ARHGEF33: variants seen among roughly 807,000 people sequenced by gnomAD.
ARHGEF33 encodes DH and coiled-coil domain-containing protein ENSP00000381780.
ARHGEF33 carries 72 observed loss-of-function variants against 101.9 expected under a neutral mutation model. The ratio of observed to expected loss-of-function variants is 0.71; its 90% CI spans 0.58 to 0.86. The LOEUF (loss-of-function observed/expected upper bound fraction) is 0.86, where lower values mean the gene tolerates loss of function less well. Among genes scored for constraint, ARHGEF33 ranks in the 40% least tolerant of loss-of-function variants. The probability of loss-of-function intolerance (pLI) is 0.00; values close to 1 mark genes in which losing one functional copy is unlikely to be tolerated. For missense variants in ARHGEF33, 1,169 were observed against 1,111.3 expected (o/e 1.05, Z -0.74); for synonymous variants, 499 against 442.5 (o/e 1.13, Z -1.60).
chr2:38,953,903 A>G (rs1236485849), intron 12 of ARHGEF33, among the ~76,000 whole-genome samples: 1 of 152,232 alleles, frequency 6.6e-6, no homozygotes, highest in Non-Finnish European at 1.5e-5. Context: ...AGGAAAAGGA[A>G]GGGACACAGA....
intron 9 of ARHGEF33, among the ~76,000 whole-genome samples, chr2:38,941,552 CTTT>C (rs532096844): frequency 6.9e-6 from 1 of 144,284 alleles, no homozygotes; most frequent in African/African-American, 2.5e-5. Context: ...TTTTCTTTTT[CTTT>C]TTTTTTTTTT....
chr2:38,931,438 T>C, intron 7 of ARHGEF33, 187 bp downstream of exon 7: 2 of 517,202 alleles, frequency 3.9e-6, no homozygotes, highest in Admixed American at 7.5e-5. Flanking sequence ...CAGTTTTAAA[T>C]ATTTTTTTTT....
At chr2:38,901,144 T>C (rs1572738923) in intron 2 of ARHGEF33, among the ~76,000 whole-genome samples, 1 of 152,172 alleles carries the variant, frequency 6.6e-6, no homozygotes, top group Admixed American at 6.5e-5. Context: ...TTCTTTCTTT[T>C]TATTTATTTA....
chr2:38,940,743 A>G (rs549405484), intron 9 of ARHGEF33, among the ~76,000 whole-genome samples: 1 of 152,344 alleles, frequency 6.6e-6, no homozygotes, highest in African/African-American at 2.4e-5. Context: ...CAATTGAGAA[A>G]AAGTTGAATA....
chr2:38,921,554 C>CT, intron 4 of ARHGEF33, 131 bp downstream of exon 4: 1 of 677,948 alleles, frequency 1.5e-6, no homozygotes. Context: ...CTTAACAGGG[C>CT]TGTGAGACAG....
At chr2:38,965,947 C>T (rs1212101648) in intron 16 of ARHGEF33, 59 bp from the exon 17 acceptor site, 8 of 1,537,198 alleles carry the variant, frequency 5.2e-6, no homozygotes, top group South Asian at 2.5e-5. Context: ...GTCCCATAGT[C>T]AGGATCCATA....
chr2:38,936,389 G>T (rs1442262116), intron 8 of ARHGEF33, among the ~76,000 whole-genome samples: 1 of 152,052 alleles, frequency 6.6e-6, no homozygotes, highest in Non-Finnish European at 1.5e-5. Flanking sequence ...ATTGTTTTTG[G>T]CACCCTTCCT....
chr2:38,971,089 G>T (rs757747495), intron 17 of ARHGEF33, among the ~76,000 whole-genome samples: 1 of 152,174 alleles, frequency 6.6e-6, no homozygotes, highest in Non-Finnish European at 1.5e-5. Flanking sequence ...ACAGATGCAT[G>T]TCTCCTAAAG....
chr2:38,955,106 T>C (rs1667706444), intron 13 of ARHGEF33, among the ~76,000 whole-genome samples: 1 of 152,212 alleles, frequency 6.6e-6, no homozygotes, highest in Non-Finnish European at 1.5e-5. Context: ...GCTATCTAAA[T>C]GCCACCACCT....
In ARHGEF33 at chr2:38,891,024, C is replaced by T. The variant is rs140042616; in HGVS notation, c.-159+1038C>T. Among the ~76,000 whole-genome samples, 149 of 150,988 alleles carry T rather than the reference C, an allele frequency of 9.9e-4. 1 individual carries two copies. The highest frequency in any genetic ancestry group is 3.3e-3 in the African/African-American group (136 of 41,114). The stretch of plus-strand genomic sequence containing the variant: ...TTTAGACAAGGTCTCACTTTGTCAC[C>T]TGGGCTCAAGCAATCCTCCCACCTC... On this transcript the variant is annotated intron_variant, in intron 1 of 17. Transcript: ENST00000409978.
In ARHGEF33 at chr2:38,973,811, G is replaced by A; in HGVS notation, c.2581G>A (p.Ala861Thr). 1 of 1,548,740 alleles carries A rather than the reference G, an allele frequency of 6.5e-7. No homozygotes were observed. The highest frequency in any genetic ancestry group is 8.7e-7 in the Non-Finnish European group (1 of 1,145,976). ...QDFFRNRLAL[A>T]NDLDQGTAV ...TTTCTTCAGAAACCGACTTGCTCTT[G>A]CAAATGACCTTGACCAAGGAACAGC... The change falls in exon 18 of 18, where the codon GCA (alanine) becomes ACA (threonine). Residue 861 changes from alanine to threonine, a missense_variant. Coordinates refer to ENST00000409978, the MANE Select transcript of ARHGEF33 (RefSeq NM_001145451.5).
At chr2:38,970,905 C>G (rs1179360252) in intron 17 of ARHGEF33, among the ~76,000 whole-genome samples, 2 of 152,184 alleles carry the variant, frequency 1.3e-5, no homozygotes, top group Non-Finnish European at 2.9e-5. Context: ...ATATCAGTCC[C>G]TCCTCCATCA....
At chr2:38,903,300 T>C (rs1239637458) in intron 2 of ARHGEF33, among the ~76,000 whole-genome samples, 1 of 152,134 alleles carries the variant, frequency 6.6e-6, no homozygotes, top group Non-Finnish European at 1.5e-5. Context: ...GTTTTGCATG[T>C]GAATTTTACA....
Position 38,955,481 on chromosome 2 carries a change from C to CTTTTTTTTT in ARHGEF33, c.1221+1042_1221+1050dup, listed in dbSNP as rs3085350. Among the ~76,000 whole-genome samples the CTTTTTTTTT allele has an allele frequency of 3.4e-3, 239 of 71,180 alleles. 20 individuals carry two copies. Among genetic ancestry groups the CTTTTTTTTT allele is most frequent in the Middle Eastern group, 0.059 (2 of 34 alleles). The allele number at this position is 71,180 out of a possible 152,430, so 46.7% of individuals were successfully genotyped here. On this transcript the variant is annotated intron_variant, in intron 13 of 17. Transcript: ENST00000409978. ...TATCAAAGCATCAATATTGAAAAGA[C>CTTTTTTTTT]TTTTTTTTTTTTTTTTTTTTTTTTT... is the stretch of plus-strand genomic sequence containing the variant.
chr2:38,964,035 G>A (rs1025452253), intron 16 of ARHGEF33, among the ~76,000 whole-genome samples: 3 of 152,134 alleles, frequency 2.0e-5, no homozygotes, highest in Non-Finnish European at 4.4e-5. Flanking sequence ...TGGGAGCCCT[G>A]AGTTTGTTTT....
At chr2:38,944,663 G>C (rs1206942624) in intron 10 of ARHGEF33, among the ~76,000 whole-genome samples, 2 of 152,104 alleles carry the variant, frequency 1.3e-5, no homozygotes, top group Non-Finnish European at 2.9e-5. Flanking sequence ...AACTTAAAGG[G>C]GGAACAAATG....
chr2:38,971,199 C>CA (rs1199863372), intron 17 of ARHGEF33, among the ~76,000 whole-genome samples: 2 of 152,180 alleles, frequency 1.3e-5, no homozygotes, highest in Admixed American at 1.3e-4. Flanking sequence ...CAGCTCCAAA[C>CA]AAAAGGTTTA....
At chr2:38,953,963 GA>G (rs1033897660) in intron 12 of ARHGEF33, among the ~76,000 whole-genome samples, 3 of 152,304 alleles carry the variant, frequency 2.0e-5, no homozygotes, top group Non-Finnish European at 4.4e-5. Context: ...AGGTTCTAAT[GA>G]CACTCCCTTT....
At chr2:38,896,285 C>A (rs377470859) in intron 2 of ARHGEF33, among the ~76,000 whole-genome samples, 36 of 152,178 alleles carry the variant, frequency 2.4e-4, no homozygotes, top group African/African-American at 8.2e-4. Context: ...ATTACAGGCT[C>A]ACGCCACCAT....
Sources: allele counts gnomAD v4.1 joint callset (sites outside exome capture counted in the v4.1 genomes callset), GRCh38; gene constraint gnomAD v4.1.1; transcripts MANE v1.5; gene names NCBI Gene and HGNC (gene_info 2026-07-23, HGNC 2026-07-21).